The following FAT3 variants were observed in gnomAD, a reference collection of about 807,000 sequenced individuals.
FAT3 encodes the protein FAT atypical cadherin 3.
A neutral mutation model predicts 310.2 loss-of-function variants in FAT3; 95 were observed. The observed-to-expected ratio is 0.31, with a 90% CI of 0.26 to 0.36. The LOEUF (loss-of-function observed/expected upper bound fraction) is 0.36. Among genes scored for constraint, FAT3 ranks in the 10% least tolerant of loss-of-function variants. The pLI, the probability that FAT3 is intolerant of heterozygous loss-of-function variation, is 1.00. For synonymous variants in FAT3, 2,314 were observed against 2,192.9 expected, an observed-to-expected ratio of 1.06 and a Z score of -1.54; for missense variants, 5,408 against 5,715.6, an observed-to-expected ratio of 0.95 and a Z score of 1.74.
At chr11:92,853,694 G>A (rs1948892889) in intron 19 of FAT3, among the ~76,000 whole-genome samples, 1 of 152,154 alleles carries the variant, frequency 6.6e-6, no homozygotes, top group Admixed American at 6.5e-5. Flanking sequence ...GGAGTATCCA[G>A]CTCTCAGCAG....
intron 5 of FAT3, 149 bp downstream of exon 5, chr11:92,762,319 T>A: frequency 1.4e-6 from 1 of 717,834 alleles, no homozygotes. Flanking sequence ...CAAGTGCAGG[T>A]GAGAACTCTT....
At chr11:92,860,047 C>A (rs1158035305) in intron 21 of FAT3, among the ~76,000 whole-genome samples, 1 of 152,080 alleles carries the variant, frequency 6.6e-6, no homozygotes, top group Non-Finnish European at 1.5e-5. Context: ...ACTAAAAATA[C>A]AAAAATTAGC....
chr11:92,330,476 T>C (rs776485577), intron 1 of FAT3, among the ~76,000 whole-genome samples: 13 of 152,198 alleles, frequency 8.5e-5, no homozygotes, highest in Non-Finnish European at 1.6e-4. Context: ...ATACGTTAAA[T>C]TTCAGGATGC....
At chr11:92,345,859 A>G (rs1339738817) in intron 1 of FAT3, among the ~76,000 whole-genome samples, 1 of 151,814 alleles carries the variant, frequency 6.6e-6, no homozygotes, top group East Asian at 1.9e-4. Flanking sequence ...TGTTTCCTCA[A>G]TGGTTAAACT....
intron 2 of FAT3, among the ~76,000 whole-genome samples, chr11:92,441,805 A>G (rs931074118): frequency 2.0e-5 from 3 of 152,028 alleles, no homozygotes; most frequent in African/African-American, 7.2e-5. Context: ...TTAATTCTAG[A>G]TTCAGGCACT....
intron 3 of FAT3, among the ~76,000 whole-genome samples, chr11:92,547,861 G>A (rs980783038): frequency 1.3e-5 from 2 of 152,086 alleles, no homozygotes; most frequent in Non-Finnish European, 2.9e-5. Context: ...ACTAGAGTTT[G>A]GTCTAGAATC....
rs917632303 is a variant in FAT3 at position 92,715,282 on chromosome 11, C to T, written c.3669+17837C>T. Among the ~76,000 whole-genome samples the T allele has an allele frequency of 5.3e-5, 8 of 151,198 alleles. No individual in the cohort carries two copies. The East Asian group carries it at 1.2e-3, about 22-fold the overall frequency. ...AAATAGCTGGGTGTGGTGGCAGGAG[C>T]CTGTAGTCCCAGCTACTCAGGAGGC... On this transcript the variant is annotated intron_variant, in intron 4 of 27. Transcript: ENST00000525166.
chr11:92,265,092 C>A (rs1346505916), intron 1 of FAT3, among the ~76,000 whole-genome samples: 1 of 151,828 alleles, frequency 6.6e-6, no homozygotes, highest in Non-Finnish European at 1.5e-5. Flanking sequence ...TTCCCTGGAG[C>A]TTTTTATATT....
intron 1 of FAT3, among the ~76,000 whole-genome samples, chr11:92,273,107 TCTCGGC>T (rs1946172451): frequency 6.6e-6 from 1 of 152,136 alleles, no homozygotes; most frequent in East Asian, 1.9e-4. Flanking sequence ...CTTAAATGAA[TCTCGGC>T]CTATTCTAAC....
chr11:92,564,715 A>C (rs1955365475), intron 3 of FAT3, among the ~76,000 whole-genome samples: 1 of 151,884 alleles, frequency 6.6e-6, no homozygotes, highest in Non-Finnish European at 1.5e-5. Context: ...TCAAACTAGA[A>C]CTCAGGATTA....
intron 3 of FAT3, among the ~76,000 whole-genome samples, chr11:92,652,000 G>A (rs1942396558): frequency 6.6e-6 from 1 of 152,106 alleles, no homozygotes; most frequent in Admixed American, 6.5e-5. Flanking sequence ...CACTTTGAAG[G>A]TAAAGGATTC....
chr11:92,854,379 GA>G (rs1948916128), intron 19 of FAT3, among the ~76,000 whole-genome samples: 1 of 152,076 alleles, frequency 6.6e-6, no homozygotes, highest in South Asian at 2.1e-4. Flanking sequence ...CTGTGCCCAG[GA>G]GTGCAGGGTT....
rs1373063110 is a variant in FAT3 at position 92,469,460 on chromosome 11, T to C, written c.3293-55174T>C. Among the ~76,000 whole-genome samples the C allele has an allele frequency of 3.3e-5, 5 of 152,178 alleles. No individual in the cohort carries two copies. The South Asian group carries it at 8.3e-4, about 25-fold the overall frequency. The stretch of plus-strand genomic sequence containing the variant: ...TTGTGTATTTTACATGAGAAAGAAA[T>C]AGAGCTAGGATTGGCCTCATCCTTC... On this transcript the variant is annotated intron_variant, in intron 2 of 27. Transcript: ENST00000525166.
chr11:92,440,178 G>T (rs2135069987), intron 2 of FAT3, among the ~76,000 whole-genome samples: 1 of 152,230 alleles, frequency 6.6e-6, no homozygotes, highest in Admixed American at 6.5e-5. Flanking sequence ...GTCTTACCTT[G>T]GGTTCTGCCA....
chr11:92,785,294 A>T (rs951598411), intron 7 of FAT3, among the ~76,000 whole-genome samples: 1 of 152,160 alleles, frequency 6.6e-6, no homozygotes, highest in African/African-American at 2.4e-5. Flanking sequence ...TATTTAATGG[A>T]GAATAACTAG....
chr11:92,361,851 A>C (rs572850520), intron 2 of FAT3, among the ~76,000 whole-genome samples: 25 of 152,240 alleles, frequency 1.6e-4, no homozygotes, highest in Admixed American at 1.2e-3. Flanking sequence ...TGCACCAGGC[A>C]CTAGTGACAC....
intron 2 of FAT3, among the ~76,000 whole-genome samples, chr11:92,451,076 T>C (rs532000298): frequency 2.6e-4 from 40 of 152,072 alleles, no homozygotes; most frequent in Non-Finnish European, 4.6e-4. Context: ...GAACCTCCAA[T>C]AGATGAGCAG....
chr11:92,575,880 C>T (rs1466631829), intron 3 of FAT3, among the ~76,000 whole-genome samples: 2 of 152,058 alleles, frequency 1.3e-5, no homozygotes, highest in Admixed American at 6.6e-5. Flanking sequence ...AAAGGTGGAG[C>T]TTGGAATAAA....
At chr11:92,332,711 A>C (rs1947951523) in intron 1 of FAT3, among the ~76,000 whole-genome samples, 1 of 152,174 alleles carries the variant, frequency 6.6e-6, no homozygotes, top group Non-Finnish European at 1.5e-5. Context: ...TATTGTGAGA[A>C]TAAAATAAAA....
Sources: gnomAD v4.1 joint callset for allele counts (sites outside exome capture counted in the v4.1 genomes callset) on GRCh38, gnomAD v4.1.1 for gene constraint, MANE v1.5 for transcripts, NCBI Gene and HGNC (gene_info 2026-07-23, HGNC 2026-07-21) for gene names.